ANO10: variants seen among roughly 807,000 people sequenced by gnomAD.
ANO10 encodes the protein anoctamin 10.
In ANO10, 77 loss-of-function variants were observed where a neutral mutation model predicts 74.7. That is an observed-to-expected ratio of 1.03 (90% CI 0.86 to 1.25). The LOEUF (loss-of-function observed/expected upper bound fraction) is 1.25, where lower values mean the gene tolerates loss of function less well. ANO10 is among the 50% of genes most tolerant of loss of function. The pLI is 0.00. For synonymous variants in ANO10, 279 were observed against 284.9 expected (o/e 0.98, Z 0.21); for missense variants, 721 against 778.1 (o/e 0.93, Z 0.87).
intron 1 of ANO10, among the ~76,000 whole-genome samples, chr3:43,661,592 T>C (rs1289082096): frequency 6.6e-6 from 1 of 152,136 alleles, no homozygotes; most frequent in Non-Finnish European, 1.5e-5. Context: ...AATGCCCCAA[T>C]TAAAAGACAC....
intron 10 of ANO10, chr3:43,551,422 T>C (rs1209078187): frequency 1.6e-5 from 7 of 440,572 alleles, no homozygotes. Flanking sequence ...TATAATAAAC[T>C]GCATGCATTT....
chr3:43,569,763 T>A (rs2080593831), intron 7 of ANO10, among the ~76,000 whole-genome samples: 1 of 49,628 alleles, frequency 2.0e-5, no homozygotes, highest in Non-Finnish European at 3.7e-5. Context: ...AGCATTCCCT[T>A]TGAAAACTGG....
intron 1 of ANO10, chr3:43,691,050 C>G (rs755577754): frequency 6.5e-6 from 10 of 1,548,386 alleles, no homozygotes; most frequent in Non-Finnish European, 7.8e-6. Flanking sequence ...GTAAGCGCAG[C>G]CGGCAGGGGG....
chr3:43,690,967 G>A lies in ANO10; in HGVS notation c.-12+550C>T, dbSNP rs538545149. 85 of 1,567,146 alleles carry A rather than the reference G, an allele frequency of 5.4e-5. No homozygotes were observed. In the South Asian group the frequency reaches 5.7e-4, roughly 10 times the overall value. On this transcript the variant is annotated intron_variant, in intron 1 of 3. Coordinates refer to the ANO10 transcript ENST00000413397. ...GGCCTGTCAGCCGGCTTCGAGATAA[G>A]TCCCGGCGCTTGCGCGGCGGCGGCT...
At chr3:43,435,232 G>T (rs1253679481) in intron 11 of ANO10, among the ~76,000 whole-genome samples, 1 of 150,134 alleles carries the variant, frequency 6.7e-6, no homozygotes, top group African/African-American at 2.5e-5. Flanking sequence ...AAGTGGGCTG[G>T]GTGCAGTGGC....
At chr3:43,386,385 A>AAAGGGGAAGGGG (rs56361926) in intron 12 of ANO10, among the ~76,000 whole-genome samples, 2 of 151,158 alleles carry the variant, frequency 1.3e-5, no homozygotes, top group South Asian at 2.1e-4. Flanking sequence ...AGAAAGGAGG[A>AAAGGGGAAGGGG]AAGGGGAAGG....
chr3:43,555,387 G>GC lies in ANO10; in HGVS notation c.1558dup (p.Ala520GlyfsTer7). 1 of 1,614,104 alleles carries GC rather than the reference G, an allele frequency of 6.2e-7. No individual in the cohort carries two copies. Among genetic ancestry groups the GC allele is most frequent in the Non-Finnish European group, 8.5e-7 (1 of 1,180,014 alleles). ...AGTGAAGTTATTTAACACAGCAAAG[G>GC]CAGCTGCTAATGGGTAAACACAGGA... On this transcript the variant is annotated frameshift_variant, in exon 10 of 13. Coordinates refer to ENST00000292246, the MANE Select transcript of ANO10 (RefSeq NM_018075.5). LOFTEE classifies it high-confidence loss of function.
chr3:43,428,135 C>T (rs532780066), intron 12 of ANO10, among the ~76,000 whole-genome samples: 6 of 152,122 alleles, frequency 3.9e-5, no homozygotes, highest in Admixed American at 3.9e-4. Context: ...CTGCAACCTC[C>T]ACCTTCGAGA....
chr3:43,409,587 C>T (rs1276080974), intron 12 of ANO10, among the ~76,000 whole-genome samples: 1 of 152,086 alleles, frequency 6.6e-6, no homozygotes, highest in Non-Finnish European at 1.5e-5. Flanking sequence ...AAAGGAAGCA[C>T]TATTCTTACT....
chr3:43,679,526 C>T (rs976192720), intron 1 of ANO10, among the ~76,000 whole-genome samples: 1 of 152,198 alleles, frequency 6.6e-6, no homozygotes, highest in African/African-American at 2.4e-5. Context: ...AGGGCATAGC[C>T]AAACAAAAGG....
intron 1 of ANO10, 31 bp from the exon 2 acceptor site, chr3:43,605,894 G>A: frequency 1.2e-6 from 2 of 1,607,610 alleles, no homozygotes; most frequent in Non-Finnish European, 1.7e-6. Flanking sequence ...GAGTGAAAAT[G>A]GGTTGTTATT....
chr3:43,461,911 A>G (rs1341675256), intron 11 of ANO10, among the ~76,000 whole-genome samples: 3 of 152,226 alleles, frequency 2.0e-5, no homozygotes, highest in Admixed American at 2.0e-4. Context: ...AGGGCTTAGA[A>G]GATGATAGGA....
chr3:43,519,497 G>A (rs1173301358), intron 11 of ANO10, among the ~76,000 whole-genome samples: 1 of 152,154 alleles, frequency 6.6e-6, no homozygotes, highest in Non-Finnish European at 1.5e-5. Context: ...TGGTTGCAAT[G>A]GGGCACCGTC....
chr3:43,630,236 C>A (rs2083532462), intron 1 of ANO10, among the ~76,000 whole-genome samples: 1 of 152,102 alleles, frequency 6.6e-6, no homozygotes, highest in African/African-American at 2.4e-5. Context: ...TATTATAAAT[C>A]TAAAATCTAA....
chr3:43,483,693 T>C (rs1007422452), intron 11 of ANO10, among the ~76,000 whole-genome samples: 1 of 151,986 alleles, frequency 6.6e-6, no homozygotes, highest in Non-Finnish European at 1.5e-5. Flanking sequence ...GTGCTTGAGG[T>C]GGTTGGGTTA....
chr3:43,403,939 T>TCC (rs2092529336), intron 12 of ANO10, among the ~76,000 whole-genome samples: 1 of 152,014 alleles, frequency 6.6e-6, no homozygotes, highest in Non-Finnish European at 1.5e-5. Flanking sequence ...TATAACACCC[T>TCC]CCCCTCCTGG....
chr3:43,646,831 C>G (rs1440517709), intron 1 of ANO10, among the ~76,000 whole-genome samples: 3 of 152,156 alleles, frequency 2.0e-5, no homozygotes, highest in Non-Finnish European at 4.4e-5. Context: ...TACATAGACT[C>G]ATATGACTGT....
At chr3:43,645,035 G>C (rs934383506) in intron 1 of ANO10, among the ~76,000 whole-genome samples, 2 of 152,248 alleles carry the variant, frequency 1.3e-5, no homozygotes, top group African/African-American at 4.8e-5. Context: ...CAATATGGCT[G>C]TACTCCACCA....
intron 11 of ANO10, among the ~76,000 whole-genome samples, chr3:43,465,464 T>C (rs1482372052): frequency 6.6e-6 from 1 of 152,026 alleles, no homozygotes; most frequent in South Asian, 2.1e-4. Context: ...ACAGTAAAAA[T>C]GTGGTATTGT....
Sources: gnomAD v4.1 joint callset for allele counts (sites outside exome capture counted in the v4.1 genomes callset) on GRCh38, gnomAD v4.1.1 for gene constraint, MANE v1.5 for transcripts, NCBI Gene and HGNC (gene_info 2026-07-23, HGNC 2026-07-21) for gene names.